The following GPR146 variants were observed in gnomAD, a reference collection of about 807,000 sequenced individuals.
The protein encoded by GPR146 is G protein-coupled receptor 146.
For missense variants in GPR146, 381 were observed against 213.9 expected, an observed-to-expected ratio of 1.78 and a Z score of -4.87; for synonymous variants, 203 against 104.3, an observed-to-expected ratio of 1.95 and a Z score of -5.77.
At position 1,058,357 on chromosome 7, in the gene GPR146, C is replaced by T. The variant is rs373918911; in HGVS notation, c.842C>T (p.Ser281Phe). The change falls in exon 2 of 2, where the codon TCC becomes TTC. Residue 281 changes from serine (S) to phenylalanine (F), a missense_variant. Coordinates refer to ENST00000444847, the MANE Select transcript of GPR146 (RefSeq NM_001303473.2). ...LGLLHFVKDF[S>F]KLLAFSSSFV... is the part of the protein sequence containing the mutation. ...CTACTGCACTTTGTGAAGGATTTCT[C>T]CAAACTCCTGGCCTTCTCCAGCAGC... The T allele has an allele frequency of 1.3e-6, 1 of 779,734 alleles. No individual in the cohort carries two copies. The highest frequency in any genetic ancestry group is 1.3e-5 in the South Asian group (1 of 74,628). The allele number at this position is 779,734 out of a possible 1,614,324, so 48.3% of individuals were successfully genotyped here.
chr7:1,048,384 G>C (rs1448922029), intron 1 of GPR146, among the ~76,000 whole-genome samples: 2 of 152,104 alleles, frequency 1.3e-5, no homozygotes, highest in African/African-American at 2.4e-5. Context: ...TCCTCTGCTG[G>C]TTTCTGTTTC....
chr7:1,049,073 G>A (rs1313391734), intron 1 of GPR146, among the ~76,000 whole-genome samples: 3 of 152,204 alleles, frequency 2.0e-5, no homozygotes, highest in Non-Finnish European at 2.9e-5. Flanking sequence ...GGCCTCCGCG[G>A]TCTGACCCTG....
chr7:1,054,160 A>T (rs892383624), intron 1 of GPR146, among the ~76,000 whole-genome samples: 1 of 152,210 alleles, frequency 6.6e-6, no homozygotes, highest in Non-Finnish European at 1.5e-5. Context: ...TTCCCTCCCA[A>T]GATCTCCAGG....
intron 1 of GPR146, among the ~76,000 whole-genome samples, chr7:1,047,079 T>C (rs1247540800): frequency 2.6e-5 from 4 of 152,230 alleles, no homozygotes; most frequent in Admixed American, 2.0e-4. Context: ...TGTTTTTCCC[T>C]GGTCTGATGT....
chr7:1,051,011 G>C (rs551884141), intron 1 of GPR146, among the ~76,000 whole-genome samples: 1 of 152,260 alleles, frequency 6.6e-6, no homozygotes, highest in Admixed American at 6.5e-5. Context: ...CAGGCCAGCA[G>C]AGGCCTGGGT....
chr7:1,055,221 G>A, intron 1 of GPR146: 1 of 470,860 alleles, frequency 2.1e-6, no homozygotes, highest in South Asian at 1.5e-5. Context: ...AACAGCAGGA[G>A]GGAGGGGCGG....
chr7:1,044,681 G>C (rs1213632066), intron 1 of GPR146, 23 bp downstream of exon 1: 1 of 152,102 alleles, frequency 6.6e-6, no homozygotes, highest in East Asian at 1.9e-4. Flanking sequence ...CGGGAGCCTG[G>C]GTCGGGTCGG....
intron 1 of GPR146, chr7:1,055,311 A>ACG (rs1563054347): frequency 2.1e-6 from 1 of 471,142 alleles, no homozygotes; most frequent in East Asian, 7.0e-5. Context: ...GGGCCCTCAC[A>ACG]CGCACGCGCA....
In GPR146 at chr7:1,057,726, G is replaced by A; in HGVS notation, c.211G>A (p.Val71Met). The change falls in exon 2 of 2, where the codon GTG becomes ATG. Residue 71 changes from valine (V) to methionine (M), a missense_variant. By Grantham distance (21) the Val-to-Met change is conservative. Transcript: ENST00000444847. ...GGACGTGTACTTTGTCAACATGGCA[G>A]TGGCAGGCCTGGTGCTCAGCGCCCT... ...MPDVYFVNMA[V>M]AGLVLSALAP... The A allele has an allele frequency of 2.6e-6, 2 of 775,386 alleles. No individual in the cohort carries two copies. Among genetic ancestry groups the A allele is most frequent in the Non-Finnish European group, 2.4e-6 (1 of 417,510 alleles). The allele number at this position is 775,386 out of a possible 1,614,324, so 48.0% of individuals were successfully genotyped here. A position where few individuals can be genotyped will look rare whatever the true frequency, so the allele number is the denominator to read the frequency against.
chr7:1,050,605 C>T (rs1433523666), intron 1 of GPR146, among the ~76,000 whole-genome samples: 1 of 152,232 alleles, frequency 6.6e-6, no homozygotes, highest in Non-Finnish European at 1.5e-5. Context: ...GCGGGAGAGC[C>T]TGCAAGGAAG....
rs1424938810 is a variant in GPR146, at chr7:1,058,697, G to A, written c.*180G>A. 1.3e-5 allele frequency: 8 copies of A among 602,120 alleles called. No homozygotes were observed. The highest frequency in any genetic ancestry group is 7.5e-5 in the African/African-American group (4 of 53,638). The allele number at this position is 602,120 out of a possible 1,614,324, so 37.3% of individuals were successfully genotyped here. ...CTCTTGGGCCAAGGCTGTGGTCCCC[G>A]TGGCTGGCATCTGGCTTGAGTCTCC... On this transcript the variant is annotated 3_prime_UTR_variant, in exon 2 of 2. Coordinates refer to ENST00000444847, the MANE Select transcript of GPR146 (RefSeq NM_001303473.2).
intron 1 of GPR146, chr7:1,045,950 A>G (rs1782538556): frequency 6.6e-6 from 1 of 152,306 alleles, no homozygotes; most frequent in Non-Finnish European, 1.5e-5. Flanking sequence ...GATTTAGGGC[A>G]GAATGTAAAT....
At chr7:1,045,758 A>C (rs2058118617) in intron 1 of GPR146, 1 of 152,288 alleles carries the variant, frequency 6.6e-6, no homozygotes, top group Non-Finnish European at 1.5e-5. Flanking sequence ...GCCTCTGAAG[A>C]CAAGTGACTT....
At chr7:1,053,073 G>T (rs376359673) in intron 1 of GPR146, among the ~76,000 whole-genome samples, 8 of 152,234 alleles carry the variant, frequency 5.3e-5, no homozygotes, top group Non-Finnish European at 8.8e-5. Context: ...CTGCCCAGTG[G>T]GGGGAGAAGC....
chr7:1,053,696 A>G (rs950990143), intron 1 of GPR146, among the ~76,000 whole-genome samples: 8 of 152,184 alleles, frequency 5.3e-5, no homozygotes, highest in Non-Finnish European at 7.4e-5. Flanking sequence ...GTGTGGTGGC[A>G]GTCGCCTGTA....
At chr7:1,053,212 G>A (rs140283159) in intron 1 of GPR146, among the ~76,000 whole-genome samples, 6 of 152,234 alleles carry the variant, frequency 3.9e-5, no homozygotes, top group Non-Finnish European at 7.3e-5. Flanking sequence ...GGCTCCACCC[G>A]CCTGGGCCAG....
Position 1,058,733 on chromosome 7 carries a change from T to G in GPR146, c.*216T>G, listed in dbSNP as rs962560566. 6.9e-6 allele frequency: 4 copies of G among 581,410 alleles called. No homozygotes were observed. The Admixed American group carries it at 9.9e-5, about 14-fold the overall frequency. The allele number at this position is 581,410 out of a possible 1,614,324, so 36.0% of individuals were successfully genotyped here. On this transcript the variant is annotated 3_prime_UTR_variant, in exon 2 of 2. Coordinates refer to ENST00000444847, the MANE Select transcript of GPR146 (RefSeq NM_001303473.2). Reference sequence around the variant, plus strand: ...CTGGCTTGAGTCTCCCCGAGGCCTGTGCGTCTCCCAAACACGCAGCTCAAG... The same window carrying G: ...CTGGCTTGAGTCTCCCCGAGGCCTGGGCGTCTCCCAAACACGCAGCTCAAG...
chr7:1,051,395 G>A (rs1263005525), intron 1 of GPR146, among the ~76,000 whole-genome samples: 1 of 152,258 alleles, frequency 6.6e-6, no homozygotes, highest in African/African-American at 2.4e-5. Flanking sequence ...GGGTGCAGCA[G>A]TTTCCCGCAC....
chr7:1,054,054 T>A (rs138995057), intron 1 of GPR146, among the ~76,000 whole-genome samples: 154 of 152,288 alleles, frequency 1.0e-3, no homozygotes, highest in African/African-American at 3.4e-3. Context: ...CTTCCTTCCA[T>A]GCCTCTCAGC....
Sources: gnomAD v4.1 joint callset for allele counts (sites outside exome capture counted in the v4.1 genomes callset) on GRCh38, gnomAD v4.1.1 for gene constraint, MANE v1.5 for transcripts, NCBI Gene and HGNC (gene_info 2026-07-23, HGNC 2026-07-21) for gene names.